PRR5L: variants seen among roughly 807,000 people sequenced by gnomAD.
PRR5L encodes the protein proline rich 5 like, also known as proline-rich protein 5-like.
A neutral mutation model predicts 36.4 loss-of-function variants in PRR5L; 21 were observed. That is an observed-to-expected ratio of 0.58 (90% CI 0.41 to 0.83). PRR5L has a LOEUF of 0.83. Among genes scored for constraint, PRR5L ranks in the 40% least tolerant of loss-of-function variants. The pLI is 0.00. For missense variants in PRR5L, 381 were observed against 473.3 expected (o/e 0.80, Z 1.81); for synonymous variants, 188 against 197.0 (o/e 0.95, Z 0.38).
intron 2 of PRR5L, among the ~76,000 whole-genome samples, chr11:36,402,317 A>G (rs6484842): frequency 6.6e-6 from 1 of 151,982 alleles, no homozygotes; most frequent in East Asian, 1.9e-4. Flanking sequence ...AATCTTGGCT[A>G]ACTGCAATCT....
chr11:36,408,352 A>C (rs763510808), intron 3 of PRR5L, among the ~76,000 whole-genome samples: 1 of 152,118 alleles, frequency 6.6e-6, no homozygotes, highest in Non-Finnish European at 1.5e-5. Flanking sequence ...TGTAAAAGTC[A>C]GGGCACATGG....
intron 1 of PRR5L, chr11:36,362,305 A>G (rs558283799): frequency 6.6e-6 from 1 of 151,898 alleles, no homozygotes; most frequent in African/African-American, 2.4e-5. Context: ...TGAGGACCCT[A>G]TTCCTTCACT....
chr11:36,435,682 T>A (rs1311813958), intron 5 of PRR5L, among the ~76,000 whole-genome samples: 1 of 152,176 alleles, frequency 6.6e-6, no homozygotes, highest in Non-Finnish European at 1.5e-5. Flanking sequence ...CAGATTCTCC[T>A]GGGCTGTGTA....
intron 8 of PRR5L, among the ~76,000 whole-genome samples, chr11:36,453,496 G>C (rs1421918991): frequency 6.6e-6 from 1 of 152,226 alleles, no homozygotes; most frequent in Non-Finnish European, 1.5e-5. Flanking sequence ...GACAGTCCCT[G>C]CCTCTAGAGA....
intron 1 of PRR5L, among the ~76,000 whole-genome samples, chr11:36,395,166 G>A (rs112595533): frequency 0.026 from 4,000 of 152,206 alleles, 178 homozygotes; most frequent in African/African-American, 0.09. Flanking sequence ...ATTCTTTACA[G>A]TAACCACAAA....
chr11:36,351,707 TTATTTATA>T (rs1856974089), intron 1 of PRR5L, among the ~76,000 whole-genome samples: 1 of 75,660 alleles, frequency 1.3e-5, no homozygotes, highest in African/African-American at 5.4e-5. Context: ...ATTTATATAT[TTATTTATA>T]TATTTATATA....
At position 36,436,130 on chromosome 11, in the gene PRR5L, C is replaced by G. The variant is rs148164246; in HGVS notation, c.353-1255C>G. Among the ~76,000 whole-genome samples, 125 of 152,330 alleles carry G rather than the reference C, an allele frequency of 8.2e-4. 1 individual carries two copies. The highest frequency in any genetic ancestry group is 2.7e-3 in the African/African-American group (114 of 41,568). On this transcript the variant is annotated intron_variant, in intron 5 of 8. Transcript: ENST00000530639. The stretch of plus-strand genomic sequence containing the variant: ...CCTGGCTACTAGTCATGCCCTTGTT[C>G]TATTCTCTCTCCCCAGCCACTGCTT...
chr11:36,453,259 A>G (rs915228542), intron 8 of PRR5L, among the ~76,000 whole-genome samples: 21 of 152,214 alleles, frequency 1.4e-4, no homozygotes, highest in African/African-American at 5.1e-4. Context: ...AGCTTCCTGT[A>G]TCTGCTTCTT....
chr11:36,403,014 C>T (rs146563605), intron 2 of PRR5L, among the ~76,000 whole-genome samples: 39 of 152,334 alleles, frequency 2.6e-4, no homozygotes, highest in African/African-American at 9.4e-4. Context: ...GCGATCAGAT[C>T]CCACTGGCTG....
intron 1 of PRR5L, among the ~76,000 whole-genome samples, chr11:36,372,830 C>T (rs989578431): frequency 1.3e-5 from 2 of 152,154 alleles, no homozygotes; most frequent in Admixed American, 6.6e-5. Context: ...AAAATATTGG[C>T]AAGTAGTTCA....
chr11:36,361,023 C>T (rs903264445), intron 1 of PRR5L, among the ~76,000 whole-genome samples: 1 of 152,220 alleles, frequency 6.6e-6, no homozygotes, highest in African/African-American at 2.4e-5. Flanking sequence ...TGCTTTATAA[C>T]TTTTGGACAA....
At chr11:36,375,272 T>C (rs1195673696) in intron 1 of PRR5L, among the ~76,000 whole-genome samples, 1 of 151,678 alleles carries the variant, frequency 6.6e-6, no homozygotes, top group Non-Finnish European at 1.5e-5. Context: ...CAGGCATGTG[T>C]CCCATGCCCA....
chr11:36,357,067 A>G (rs1857035439), intron 1 of PRR5L, among the ~76,000 whole-genome samples: 2 of 152,204 alleles, frequency 1.3e-5, no homozygotes, highest in African/African-American at 2.4e-5. Context: ...GAACTCAATA[A>G]TAATAAGAAG....
chr11:36,346,124 T>C (rs1021734731), intron 1 of PRR5L, among the ~76,000 whole-genome samples: 6 of 152,156 alleles, frequency 3.9e-5, no homozygotes, highest in African/African-American at 2.4e-5. Flanking sequence ...AATAAATCCA[T>C]CTTTTGAAGG....
chr11:36,442,226 T>TC (rs1858736721), intron 6 of PRR5L, among the ~76,000 whole-genome samples: 1 of 152,238 alleles, frequency 6.6e-6, no homozygotes, highest in Non-Finnish European at 1.5e-5. Context: ...TTCCAAATTT[T>TC]TATGCTCTGT....
chr11:36,428,499 T>TG (rs983777036), intron 4 of PRR5L, among the ~76,000 whole-genome samples: 2 of 152,122 alleles, frequency 1.3e-5, no homozygotes, highest in Non-Finnish European at 2.9e-5. Context: ...GCTCGGTTGT[T>TG]GGAGCATGAA....
chr11:36,411,098 C>G (rs746207938), intron 3 of PRR5L, among the ~76,000 whole-genome samples: 1 of 152,228 alleles, frequency 6.6e-6, no homozygotes, highest in Non-Finnish European at 1.5e-5. Context: ...GCCTCATCGT[C>G]TTTAACCTCA....
At chr11:36,450,633 A>T (rs1345636794) in intron 7 of PRR5L, among the ~76,000 whole-genome samples, 1 of 152,126 alleles carries the variant, frequency 6.6e-6, no homozygotes, top group Non-Finnish European at 1.5e-5. Flanking sequence ...GAACTTTTCC[A>T]TATTCTTTCC....
At chr11:36,328,378 C>T (rs1412512477) in intron 1 of PRR5L, among the ~76,000 whole-genome samples, 6 of 152,074 alleles carry the variant, frequency 3.9e-5, no homozygotes, top group African/African-American at 1.4e-4. Flanking sequence ...CATGGGGGCG[C>T]ATTTACCCCT....
Sources: gnomAD v4.1 joint callset for allele counts (sites outside exome capture counted in the v4.1 genomes callset) on GRCh38, gnomAD v4.1.1 for gene constraint, MANE v1.5 for transcripts, NCBI Gene and HGNC (gene_info 2026-07-23, HGNC 2026-07-21) for gene names.